The following SNAP91 variants were observed in gnomAD, a reference collection of about 807,000 sequenced individuals.
SNAP91 encodes the protein synaptosome associated protein 91.
In SNAP91, 27 loss-of-function variants were observed where a neutral mutation model predicts 100.3. The observed-to-expected ratio is 0.27, with a 90% CI of 0.20 to 0.37. The LOEUF (loss-of-function observed/expected upper bound fraction) is 0.37. Ranked by LOEUF, SNAP91 falls within the 10% of genes least tolerant of loss-of-function variation. The pLI, the probability that SNAP91 is intolerant of heterozygous loss-of-function variation, is 1.00. For missense variants in SNAP91, 986 were observed against 1,123.7 expected (o/e 0.88, Z 1.75); for synonymous variants, 404 against 398.6 (o/e 1.01, Z -0.16).
intron 9 of SNAP91, among the ~76,000 whole-genome samples, chr6:83,619,470 A>G (rs1263899815): frequency 1.3e-5 from 2 of 152,186 alleles, no homozygotes; most frequent in Non-Finnish European, 2.9e-5. Flanking sequence ...TGCTGTTGTA[A>G]AAGGAATTTA....
At chr6:83,620,991 C>T (rs1445221205) in intron 9 of SNAP91, among the ~76,000 whole-genome samples, 2 of 152,170 alleles carry the variant, frequency 1.3e-5, no homozygotes, top group African/African-American at 4.8e-5. Context: ...GCGTGAGCCA[C>T]CGCGCCCAGC....
At chr6:83,586,364 T>C (rs981328936) in intron 22 of SNAP91, among the ~76,000 whole-genome samples, 2 of 152,228 alleles carry the variant, frequency 1.3e-5, no homozygotes, top group Non-Finnish European at 2.9e-5. Flanking sequence ...AAGGGCCTCA[T>C]AGGCTGGACC....
intron 2 of SNAP91, among the ~76,000 whole-genome samples, chr6:83,683,975 G>A (rs113813974): frequency 0.016 from 2,379 of 152,134 alleles, 48 homozygotes; most frequent in African/African-American, 0.051. Context: ...AATAATCTTC[G>A]AACTATCTTC....
In SNAP91 at chr6:83,665,510, T is replaced by C; in HGVS notation, c.202A>G (p.Thr68Ala). 3 of 1,613,004 alleles carry C rather than the reference T, an allele frequency of 1.9e-6. No homozygotes were observed. The highest frequency in any genetic ancestry group is 2.5e-6 in the Non-Finnish European group (3 of 1,179,282). The change falls in exon 3 of 30, where the codon ACA becomes GCA. Residue 68 changes from threonine to alanine, a missense_variant. Transcript: ENST00000369694. ...AACACAACCACCCAGCTACTGTTTG[T>C]TGCCCGCTCAAAGAGAGTGTCGGCC... ...QMADTLFERATNSSWVVVFKA... is the reference protein window; with the variant it reads ...QMADTLFERAANSSWVVVFKA...
rs191537421 is a variant in SNAP91, at chr6:83,572,092, C to T, written c.2442+2918G>A. On this transcript the variant is annotated intron_variant, in intron 26 of 29. Transcript: ENST00000369694. ...CTTTTTCTTGTAAATTGCCCAGTCT[C>T]GGGTATGTCTTTATCAGCAGTGTGA... 3.9e-5 allele frequency among the ~76,000 whole-genome samples: 6 copies of T among 152,260 alleles called. No homozygotes were observed. The East Asian group carries it at 9.7e-4, about 25-fold the overall frequency.
At chr6:83,673,320 A>G (rs2098815170) in intron 2 of SNAP91, among the ~76,000 whole-genome samples, 1 of 152,084 alleles carries the variant, frequency 6.6e-6, no homozygotes, top group Non-Finnish European at 1.5e-5. Flanking sequence ...TGGGATTAGT[A>G]TCTTATAAGA....
At chr6:83,656,992 T>C in intron 6 of SNAP91, 127 bp from the exon 7 acceptor site, 1 of 585,538 alleles carries the variant, frequency 1.7e-6, no homozygotes. Context: ...TGGTAATTCA[T>C]TTAGTAACCC....
intron 2 of SNAP91, among the ~76,000 whole-genome samples, chr6:83,668,927 C>T (rs954733948): frequency 3.9e-5 from 6 of 151,952 alleles, no homozygotes; most frequent in Non-Finnish European, 5.9e-5. Flanking sequence ...GTTGAAAATG[C>T]ACTTAACACA....
At chr6:83,563,115 G>A (rs1429352259) in intron 26 of SNAP91, among the ~76,000 whole-genome samples, 10 of 152,154 alleles carry the variant, frequency 6.6e-5, no homozygotes, top group Non-Finnish European at 1.2e-4. Context: ...CAAGCTTCCT[G>A]TGAACGAGAC....
intron 16 of SNAP91, among the ~76,000 whole-genome samples, chr6:83,595,815 A>T (rs2094413356): frequency 6.6e-6 from 1 of 152,184 alleles, no homozygotes; most frequent in Admixed American, 6.5e-5. Flanking sequence ...TACTGTCAAG[A>T]TACTTGTTTC....
In SNAP91 at chr6:83,576,052, A is replaced by T; in HGVS notation, c.2301T>A (p.Asn767Lys). ...LDSSLASLVG[N>K]LGISGTTTKK... is the part of the protein sequence containing the mutation. ...TTGTTGTGGTACCAGAAATTCCAAG[A>T]TCTATAAATGGATAAAAGAAAAAAG... is the stretch of plus-strand genomic sequence containing the variant. Residue 767 changes from asparagine to lysine, a missense_variant and splice_region_variant, in exon 25 of 30, where the codon AAT becomes AAA. Around this residue, in one of 4 missense-constraint regions of SNAP91, gnomAD observed 575 missense variants for 579.9 expected, o/e 0.99. Transcript: ENST00000369694. 4 of 1,381,410 alleles carry T rather than the reference A, an allele frequency of 2.9e-6. No homozygotes were observed. Among genetic ancestry groups the T allele is most frequent in the Non-Finnish European group, 4.0e-6 (4 of 1,006,992 alleles). 85.6% of individuals were successfully genotyped at this position (1,381,410 alleles called of 1,614,324 possible).
intron 22 of SNAP91, among the ~76,000 whole-genome samples, chr6:83,583,461 C>T (rs1337230764): frequency 6.6e-6 from 1 of 152,160 alleles, no homozygotes; most frequent in Non-Finnish European, 1.5e-5. Flanking sequence ...AATCCAACCT[C>T]AGATTAAGTA....
chr6:83,671,077 T>C (rs997654456), intron 2 of SNAP91, among the ~76,000 whole-genome samples: 1 of 152,038 alleles, frequency 6.6e-6, no homozygotes, highest in Non-Finnish European at 1.5e-5. Context: ...AATGGGATTA[T>C]GTTGACCCTA....
intron 22 of SNAP91, among the ~76,000 whole-genome samples, chr6:83,582,701 T>C (rs1412626753): frequency 1.3e-5 from 2 of 152,258 alleles, no homozygotes; most frequent in Non-Finnish European, 2.9e-5. Context: ...ATTGAAATTT[T>C]ATGTTTCTTC....
At chr6:83,578,946 A>T (rs189639097) in intron 24 of SNAP91, among the ~76,000 whole-genome samples, 132 of 152,128 alleles carry the variant, frequency 8.7e-4, no homozygotes, top group Admixed American at 8.6e-3. Flanking sequence ...ATTCTTTTTC[A>T]TGAAGTTATT....
intron 26 of SNAP91, among the ~76,000 whole-genome samples, chr6:83,567,748 G>C (rs1406572019): frequency 6.6e-6 from 1 of 152,138 alleles, no homozygotes; most frequent in Admixed American, 6.6e-5. Context: ...ATGAAAAAAA[G>C]CTCATCATCA....
At chr6:83,587,288 G>T (rs372484178) in intron 22 of SNAP91, among the ~76,000 whole-genome samples, 63 of 152,222 alleles carry the variant, frequency 4.1e-4, no homozygotes, top group African/African-American at 1.5e-3. Flanking sequence ...TGGGGTAAGA[G>T]TCCTTAGTCC....
intron 2 of SNAP91, among the ~76,000 whole-genome samples, chr6:83,688,512 T>TC (rs1198598326): frequency 6.6e-6 from 1 of 151,350 alleles, no homozygotes; most frequent in East Asian, 1.9e-4. Flanking sequence ...CACTTTTTTT[T>TC]TTTTTTTTTT....
rs772975038 is a variant in SNAP91 at position 83,610,722 on chromosome 6, TATATATATATATATATATATATATAA to T, written c.885-71_885-46del. The T allele has an allele frequency of 2.0e-3, 361 of 180,502 alleles. 14 individuals carry two copies. Among genetic ancestry groups the T allele is most frequent in the South Asian group, 5.2e-3 (19 of 3,650 alleles). 11.2% of individuals were successfully genotyped at this position (180,502 alleles called of 1,614,324 possible). A position where few individuals can be genotyped will look rare whatever the true frequency, so the allele number is the denominator to read the frequency against. On this transcript the variant is annotated intron_variant, in intron 11 of 29. Coordinates refer to ENST00000369694, the MANE Select transcript of SNAP91 (RefSeq NM_001242792.2). ...AAAATTAAAACTGAATATATATATA[TATATATATATATATATATATATATAA>T]ATATATATGTGAATATATTTGTAGA...
Sources: allele counts gnomAD v4.1 joint callset (sites outside exome capture counted in the v4.1 genomes callset), GRCh38; gene constraint gnomAD v4.1.1; regional missense constraint gnomAD v4.1.1; transcripts MANE v1.5; gene names NCBI Gene and HGNC (gene_info 2026-07-23, HGNC 2026-07-21).